ELMO1: variants seen among roughly 807,000 people sequenced by gnomAD.
The protein encoded by ELMO1 is engulfment and cell motility 1, also known as engulfment and cell motility protein 1.
A neutral mutation model predicts 98.9 loss-of-function variants in ELMO1; 26 were observed. The observed-to-expected ratio is 0.26, with a 90% confidence interval of 0.19 to 0.36. The LOEUF (loss-of-function observed/expected upper bound fraction) is 0.36. Among genes scored for constraint, ELMO1 ranks in the 10% least tolerant of loss-of-function variants. The pLI is 1.00. For synonymous variants in ELMO1, 346 were observed against 346.0 expected (o/e 1.00, Z 0.00); for missense variants, 627 against 935.2 (o/e 0.67, Z 4.30).
intron 17 of ELMO1, among the ~76,000 whole-genome samples, chr7:36,892,574 C>A (rs1440795192): frequency 6.6e-6 from 1 of 152,190 alleles, no homozygotes; most frequent in African/African-American, 2.4e-5. Context: ...TGAATGAAAA[C>A]AAGCATACAT....
rs749818516 is a variant in ELMO1 at position 37,441,167 on chromosome 7, C to T, written c.-74+7508G>A. 2.4e-4 allele frequency among the ~76,000 whole-genome samples: 36 copies of T among 149,484 alleles called. No homozygotes were observed. The Middle Eastern group carries it at 0.01, about 43-fold the overall frequency. On this transcript the variant is annotated intron_variant, in intron 1 of 21. Coordinates refer to ENST00000310758, the MANE Select transcript of ELMO1 (RefSeq NM_014800.11). ...GAAAAAAAAAAAAAGACACAAAGGG[C>T]GGAAGGAAGGGTGGAGGGTTGCTAT...
Position 37,146,255 on chromosome 7 carries a change from C to G in ELMO1, c.1087-13021G>C, listed in dbSNP as rs970666743. ...TAAACCCCAGGTTGCTGGGCCCCACCTCAAGAGCTTCAGATTCAGTAGGTC... is the reference window on the plus strand; with the variant it reads ...TAAACCCCAGGTTGCTGGGCCCCACGTCAAGAGCTTCAGATTCAGTAGGTC... On this transcript the variant is annotated intron_variant, in intron 13 of 21. Transcript: ENST00000310758. 3.3e-5 allele frequency among the ~76,000 whole-genome samples: 5 copies of G among 152,224 alleles called. 1 individual carries two copies. Among genetic ancestry groups the G allele is most frequent in the Non-Finnish European group, 5.9e-5 (4 of 68,038 alleles).
At chr7:36,985,908 C>T (rs1265626801) in intron 16 of ELMO1, 10 of 1,002,344 alleles carry the variant, frequency 1.0e-5, no homozygotes, top group Non-Finnish European at 8.4e-6. Flanking sequence ...ATGTGTGAGA[C>T]GGAGGTTTAC....
At chr7:37,071,000 A>G (rs1399381638) in intron 15 of ELMO1, among the ~76,000 whole-genome samples, 1 of 152,202 alleles carries the variant, frequency 6.6e-6, no homozygotes, top group Non-Finnish European at 1.5e-5. Flanking sequence ...ACTGAGAACT[A>G]CTAGTCAAAG....
intron 16 of ELMO1, among the ~76,000 whole-genome samples, chr7:36,935,458 A>G (rs1786445783): frequency 6.6e-6 from 1 of 152,172 alleles, no homozygotes; most frequent in Admixed American, 6.5e-5. Context: ...TGAGGAGAGC[A>G]GCTCTGTTTT....
At chr7:36,902,002 G>T (rs1783602386) in intron 16 of ELMO1, among the ~76,000 whole-genome samples, 4 of 152,190 alleles carry the variant, frequency 2.6e-5, no homozygotes. Context: ...CTTGGAAGAT[G>T]CTCTGGCCTG....
At chr7:37,139,360 A>G (rs1376073826) in intron 13 of ELMO1, among the ~76,000 whole-genome samples, 1 of 152,224 alleles carries the variant, frequency 6.6e-6, no homozygotes, top group East Asian at 1.9e-4. Context: ...ACTGGCAAAT[A>G]AATTCAGTAA....
intron 15 of ELMO1, among the ~76,000 whole-genome samples, chr7:37,068,522 G>A (rs534042830): frequency 1.3e-5 from 2 of 152,166 alleles, no homozygotes; most frequent in East Asian, 1.9e-4. Context: ...CTCTGTTAAG[G>A]CAGATGAATT....
intron 6 of ELMO1, among the ~76,000 whole-genome samples, chr7:37,249,510 C>T (rs1795201696): frequency 6.6e-6 from 1 of 152,190 alleles, no homozygotes; most frequent in Admixed American, 6.5e-5. Context: ...TAAAACAGCA[C>T]TTATAAATTC....
chr7:37,066,288 G>A (rs1796957689), intron 15 of ELMO1, among the ~76,000 whole-genome samples: 1 of 152,194 alleles, frequency 6.6e-6, no homozygotes, highest in African/African-American at 2.4e-5. Context: ...AGTGTGGCAT[G>A]TCCATTAATG....
chr7:37,341,533 T>C (rs1407469095), intron 2 of ELMO1, among the ~76,000 whole-genome samples: 2 of 152,216 alleles, frequency 1.3e-5, no homozygotes, highest in African/African-American at 4.8e-5. Context: ...ATGTGTGGTC[T>C]GATAACAGCT....
chr7:37,130,494 G>A (rs1786841611), intron 14 of ELMO1, among the ~76,000 whole-genome samples: 1 of 152,186 alleles, frequency 6.6e-6, no homozygotes, highest in Admixed American at 6.5e-5. Context: ...GGGCAAGAGA[G>A]GACTGGTCAC....
intron 13 of ELMO1, among the ~76,000 whole-genome samples, chr7:37,210,549 G>A (rs1792901459): frequency 6.6e-6 from 1 of 150,446 alleles, no homozygotes. Flanking sequence ...GTATATGCAT[G>A]AATATGTATA....
In ELMO1 at chr7:37,021,938, T is replaced by C. The variant is rs1017237862; in HGVS notation, c.1301-8503A>G. Among the ~76,000 whole-genome samples the C allele has an allele frequency of 5.3e-5, 8 of 152,080 alleles. No homozygotes were observed. The South Asian group carries it at 1.1e-3, about 20-fold the overall frequency. On this transcript the variant is annotated intron_variant, in intron 15 of 21. Transcript: ENST00000310758. ...GTGTATGGATGGAAAAACAGAACAA[T>C]AGAACAGAATAGGGAGTCCAGAGAC... is the stretch of plus-strand genomic sequence containing the variant.
chr7:37,399,362 T>G (rs1291025059), intron 1 of ELMO1, among the ~76,000 whole-genome samples: 1 of 152,154 alleles, frequency 6.6e-6, no homozygotes, highest in African/African-American at 2.4e-5. Flanking sequence ...TTTCTGCCAG[T>G]GAGTTCTTGC....
rs550244830 is a variant in ELMO1 at position 36,855,369 on chromosome 7, G to A, written c.*182C>T. ...TGGAGCCGAGGAACAGAATCAGGGC[G>A]GTGAGCAAGATGCCAGCTAGGGGCT... On this transcript the variant is annotated 3_prime_UTR_variant, in exon 22 of 22. Coordinates refer to ENST00000310758, the MANE Select transcript of ELMO1 (RefSeq NM_014800.11). The surrounding 1 kb of genome is among the most constrained non-coding windows in gnomAD (Gnocchi z 4.2). 2.9e-4 allele frequency: 195 copies of A among 677,808 alleles called. No individual in the cohort carries two copies. The African/African-American group carries it at 3.0e-3, about 10-fold the overall frequency. The allele number at this position is 677,808 out of a possible 1,614,324, so 42.0% of individuals were successfully genotyped here.
intron 2 of ELMO1, among the ~76,000 whole-genome samples, chr7:37,319,777 C>G (rs1314598408): frequency 2.0e-5 from 3 of 152,198 alleles, no homozygotes; most frequent in Non-Finnish European, 2.9e-5. Flanking sequence ...TCCACAACCT[C>G]TCTCCCTTTT....
At chr7:37,202,267 T>C (rs534610458) in intron 13 of ELMO1, among the ~76,000 whole-genome samples, 25 of 152,342 alleles carry the variant, frequency 1.6e-4, no homozygotes, top group African/African-American at 5.8e-4. Context: ...AGTGATTCGA[T>C]TGACAAAAAC....
chr7:37,214,533 A>G (rs1793170500), intron 11 of ELMO1, among the ~76,000 whole-genome samples: 1 of 152,116 alleles, frequency 6.6e-6, no homozygotes, highest in African/African-American at 2.4e-5. Context: ...AATCCACACC[A>G]TAGCTGTCAG....
Sources: allele counts gnomAD v4.1 joint callset (sites outside exome capture counted in the v4.1 genomes callset), GRCh38; gene constraint gnomAD v4.1.1; non-coding constraint Gnocchi (gnomAD v3.1); transcripts MANE v1.5; gene names NCBI Gene and HGNC (gene_info 2026-07-23, HGNC 2026-07-21).